Variants in AGTPBP1 observed in about 807,000 individuals in gnomAD.
AGTPBP1 encodes ATP/GTP binding carboxypeptidase 1.
AGTPBP1 carries 70 observed loss-of-function variants against 143.9 expected under a neutral mutation model. The observed-to-expected ratio is 0.49, with a 90% CI of 0.40 to 0.59. The LOEUF is 0.59. Among genes scored for constraint, AGTPBP1 ranks in the 20% least tolerant of loss-of-function variants. AGTPBP1 has a pLI of 0.00. For missense variants in AGTPBP1, 1,229 were observed against 1,464.5 expected (o/e 0.84, Z 2.62); for synonymous variants, 463 against 500.2 (o/e 0.93, Z 0.99).
chr9:85,692,439 A>G (rs1202226751), intron 3 of AGTPBP1, among the ~76,000 whole-genome samples: 1 of 151,424 alleles, frequency 6.6e-6, no homozygotes, highest in Non-Finnish European at 1.5e-5. Flanking sequence ...ACACCCGGCT[A>G]ATTTTTGTAT....
At chr9:85,719,175 T>C (rs113026419) in intron 1 of AGTPBP1, among the ~76,000 whole-genome samples, 2,265 of 152,312 alleles carry the variant, frequency 0.015, 25 homozygotes, top group Middle Eastern at 0.037. Flanking sequence ...ATATGAACTT[T>C]AGAGTAGTTT....
chr9:85,596,287 T>C, intron 18 of AGTPBP1, 75 bp downstream of exon 18: 1 of 1,026,450 alleles, frequency 9.7e-7, no homozygotes, highest in East Asian at 2.6e-5. Flanking sequence ...ACTGTTTCCT[T>C]TTACACTGAA....
chr9:85,798,673 T>C, the AGTPBP1 span, among the ~76,000 whole-genome samples: 4 of 152,120 alleles, frequency 2.6e-5, no homozygotes, highest in Non-Finnish European at 5.9e-5. Flanking sequence ...GCTCTTTTTT[T>C]TCTTTTCTTG....
chr9:85,678,313 G>C, intron 5 of AGTPBP1, 22 bp downstream of exon 5: 1 of 1,550,758 alleles, frequency 6.4e-7, no homozygotes. Flanking sequence ...ACAGAAATTA[G>C]ACCAAAGAAA....
the AGTPBP1 span, among the ~76,000 whole-genome samples, chr9:85,770,102 TACACAC>T: frequency 4.1e-4 from 63 of 152,096 alleles, 1 homozygote; most frequent in African/African-American, 1.1e-3. Context: ...TGTGTATGTA[TACACAC>T]ATGTATACAC....
At chr9:85,569,832 A>T (rs1827347644) in intron 25 of AGTPBP1, among the ~76,000 whole-genome samples, 1 of 152,238 alleles carries the variant, frequency 6.6e-6, no homozygotes, top group Non-Finnish European at 1.5e-5. Flanking sequence ...TTTTTCATAT[A>T]GGATGGATCA....
intron 1 of AGTPBP1, among the ~76,000 whole-genome samples, chr9:85,738,071 T>C (rs1436261563): frequency 6.6e-6 from 1 of 152,254 alleles, no homozygotes; most frequent in South Asian, 2.1e-4. Context: ...AAAAAAAAGT[T>C]GTTTTCATTA....
chr9:85,706,123 C>T (rs1449787037), intron 2 of AGTPBP1, among the ~76,000 whole-genome samples: 3 of 151,060 alleles, frequency 2.0e-5, no homozygotes, highest in Non-Finnish European at 4.4e-5. Flanking sequence ...TAAGGAGCTA[C>T]GCCAACGAGA....
chr9:85,672,698 A>G lies in AGTPBP1; in HGVS notation c.437-17T>C. 6.4e-7 allele frequency: 1 copy of G among 1,565,766 alleles called. No homozygotes were observed. Among genetic ancestry groups the G allele is most frequent in the South Asian group, 1.2e-5 (1 of 83,390 alleles). On this transcript the variant is annotated splice_polypyrimidine_tract_variant and intron_variant, in intron 6 of 25. Coordinates refer to ENST00000357081, the MANE Select transcript of AGTPBP1 (RefSeq NM_001330701.2). ...ATTTTTTATCTGTTTAAAAAAAAAA[A>G]AGACAATTTATGCACATACAACTTT...
intron 14 of AGTPBP1, among the ~76,000 whole-genome samples, chr9:85,629,144 T>G (rs1444934871): frequency 6.6e-6 from 1 of 152,248 alleles, no homozygotes; most frequent in Non-Finnish European, 1.5e-5. Flanking sequence ...CACCTTTTGA[T>G]TTCTTATCAT....
At chr9:85,619,863 C>T (rs1239428854) in intron 15 of AGTPBP1, among the ~76,000 whole-genome samples, 6 of 152,108 alleles carry the variant, frequency 3.9e-5, no homozygotes, top group Non-Finnish European at 8.8e-5. Flanking sequence ...AGCCTACTCG[C>T]TAATAAGAGA....
chr9:85,750,058 C>G, the AGTPBP1 span, among the ~76,000 whole-genome samples: 28 of 151,974 alleles, frequency 1.8e-4, no homozygotes, highest in African/African-American at 6.8e-4. Context: ...ATTTTTTTGT[C>G]TTTTTAATAG....
chr9:85,661,321 T>A (rs1833844695), intron 8 of AGTPBP1, among the ~76,000 whole-genome samples: 2 of 152,022 alleles, frequency 1.3e-5, no homozygotes, highest in African/African-American at 4.8e-5. Flanking sequence ...ACCACACTAT[T>A]AAAAATCATA....
At chr9:85,699,973 G>T (rs1836537902) in intron 2 of AGTPBP1, among the ~76,000 whole-genome samples, 1 of 152,136 alleles carries the variant, frequency 6.6e-6, no homozygotes, top group African/African-American at 2.4e-5. Context: ...AAGAGCGGCA[G>T]TGTTTTACAT....
chr9:85,766,412 G>T, the AGTPBP1 span, among the ~76,000 whole-genome samples: 3 of 152,160 alleles, frequency 2.0e-5, no homozygotes, highest in African/African-American at 7.2e-5. Context: ...GTTTTAGACA[G>T]AACATCTTTG....
intron 9 of AGTPBP1, among the ~76,000 whole-genome samples, chr9:85,660,483 C>T (rs1353868727): frequency 6.6e-6 from 1 of 152,056 alleles, no homozygotes; most frequent in Non-Finnish European, 1.5e-5. Flanking sequence ...TGTATATTGT[C>T]ACATTTTCTA....
chr9:85,547,000 T>C lies in AGTPBP1; in HGVS notation c.*109A>G, dbSNP rs1306359055. On this transcript the variant is annotated 3_prime_UTR_variant, in exon 26 of 26. Coordinates refer to ENST00000357081, the MANE Select transcript of AGTPBP1 (RefSeq NM_001330701.2). Reference sequence around the variant, plus strand: ...AACCAAACTGGCCCAAGTTACTTTTTGTCTTTTTGAGTCAGCTCTGTATAA... The same window carrying C: ...AACCAAACTGGCCCAAGTTACTTTTCGTCTTTTTGAGTCAGCTCTGTATAA... The C allele has an allele frequency of 1.8e-6, 2 of 1,134,792 alleles. No homozygotes were observed. Among genetic ancestry groups the C allele is most frequent in the East Asian group, 5.7e-5 (2 of 34,896 alleles). 70.3% of individuals were successfully genotyped at this position (1,134,792 alleles called of 1,614,324 possible). A position where few individuals can be genotyped will look rare whatever the true frequency, so the allele number is the denominator to read the frequency against.
chr9:85,594,480 G>A (rs1829168387), intron 18 of AGTPBP1, among the ~76,000 whole-genome samples: 1 of 152,124 alleles, frequency 6.6e-6, no homozygotes, highest in South Asian at 2.1e-4. Context: ...TCAGGAAGCT[G>A]AGGTGAGAGG....
At chr9:85,586,316 A>G (rs1828604254) in intron 22 of AGTPBP1, among the ~76,000 whole-genome samples, 1 of 152,240 alleles carries the variant, frequency 6.6e-6, no homozygotes, top group Admixed American at 6.5e-5. Flanking sequence ...TCATTTTAAA[A>G]ATAAATAAAA....
Sources: gnomAD v4.1 joint callset for allele counts (sites outside exome capture counted in the v4.1 genomes callset) on GRCh38, gnomAD v4.1.1 for gene constraint, MANE v1.5 for transcripts, NCBI Gene and HGNC (gene_info 2026-07-23, HGNC 2026-07-21) for gene names.